Variants in HIVEP3 observed in about 807,000 individuals in gnomAD.
HIVEP3 encodes the protein transcription factor HIVEP3.
In HIVEP3, 49 loss-of-function variants were observed where a neutral mutation model predicts 152.8. The observed-to-expected ratio is 0.32, with a 90% confidence interval of 0.26 to 0.41. The LOEUF is 0.41. HIVEP3 is among the 10% of genes least tolerant of loss of function. The pLI is 1.00. For synonymous variants in HIVEP3, 1,269 were observed against 1,289.0 expected (o/e 0.98, Z 0.33); for missense variants, 2,790 against 3,103.3 (o/e 0.90, Z 2.40).
At chr1:41,833,301 T>C (rs375529917) in intron 1 of HIVEP3, among the ~76,000 whole-genome samples, 4 of 152,192 alleles carry the variant, frequency 2.6e-5, no homozygotes, top group African/African-American at 9.7e-5. Context: ...AGCTCCAGCA[T>C]TGGTAGGAAA....
chr1:41,789,610 A>G (rs1432176241), intron 1 of HIVEP3, among the ~76,000 whole-genome samples: 2 of 152,244 alleles, frequency 1.3e-5, no homozygotes, highest in Admixed American at 6.5e-5. Context: ...AAACAAATCA[A>G]TGTAAACATA....
intron 2 of HIVEP3, among the ~76,000 whole-genome samples, chr1:41,658,528 A>G (rs1645662250): frequency 6.6e-6 from 1 of 152,156 alleles, no homozygotes; most frequent in Admixed American, 6.5e-5. Flanking sequence ...AGCAGTTACC[A>G]AGTGCCTGCT....
At chr1:41,693,623 A>G (rs1438581362) in intron 2 of HIVEP3, among the ~76,000 whole-genome samples, 1 of 151,958 alleles carries the variant, frequency 6.6e-6, no homozygotes, top group Non-Finnish European at 1.5e-5. Flanking sequence ...CTTTAACCTG[A>G]TTGTTGTGGG....
chr1:41,946,364 A>G (rs949982203), intron 1 of HIVEP3, among the ~76,000 whole-genome samples: 1 of 152,138 alleles, frequency 6.6e-6, no homozygotes, highest in African/African-American at 2.4e-5. Context: ...ATGTTTGACC[A>G]TTGAGAGCCA....
intron 1 of HIVEP3, among the ~76,000 whole-genome samples, chr1:41,950,315 C>A (rs1399458899): frequency 6.6e-6 from 1 of 151,684 alleles, no homozygotes; most frequent in Non-Finnish European, 1.5e-5. Context: ...AACTGCAAAA[C>A]AAAACAAAAC....
chr1:42,029,767 A>T (rs1169103331), intron 1 of HIVEP3, among the ~76,000 whole-genome samples: 2 of 152,226 alleles, frequency 1.3e-5, no homozygotes, highest in Non-Finnish European at 2.9e-5. Flanking sequence ...TTATGTGATT[A>T]TTCAAGAACT....
intron 1 of HIVEP3, among the ~76,000 whole-genome samples, chr1:42,013,361 G>A (rs1200611671): frequency 2.0e-5 from 3 of 152,064 alleles, no homozygotes; most frequent in African/African-American, 4.8e-5. Context: ...CTGATTTTTG[G>A]GGAGACACAA....
intron 1 of HIVEP3, among the ~76,000 whole-genome samples, chr1:41,812,531 A>T (rs1254169652): frequency 1.3e-5 from 2 of 152,242 alleles, no homozygotes; most frequent in African/African-American, 4.8e-5. Context: ...AAATGCCTGA[A>T]TTCTAGACAA....
chr1:41,822,090 T>C (rs1457764249), intron 1 of HIVEP3, among the ~76,000 whole-genome samples: 1 of 152,196 alleles, frequency 6.6e-6, no homozygotes, highest in Non-Finnish European at 1.5e-5. Flanking sequence ...TTGTCTCTGC[T>C]CCATGTGTTA....
At chr1:41,919,051 G>A (rs926435431), upstream of HIVEP3, among the ~76,000 whole-genome samples, 1 of 151,958 alleles carries the variant, frequency 6.6e-6, no homozygotes, top group Non-Finnish European at 1.5e-5. Flanking sequence ...ACAGTGATAA[G>A]GATTTCATTT....
chr1:41,835,407 C>A (rs921882986), intron 1 of HIVEP3, among the ~76,000 whole-genome samples: 6 of 152,210 alleles, frequency 3.9e-5, no homozygotes, highest in Non-Finnish European at 8.8e-5. Context: ...AGAAAGTGAG[C>A]TCTCTGGTGT....
chr1:41,545,456 T>TACC (rs1375289694), intron 5 of HIVEP3, among the ~76,000 whole-genome samples: 2 of 45,328 alleles, frequency 4.4e-5, no homozygotes, highest in African/African-American at 1.0e-4. Flanking sequence ...CCACCATTGC[T>TACC]ACCATCACCA....
chr1:41,603,858 T>C (rs1324265214), intron 3 of HIVEP3, among the ~76,000 whole-genome samples: 1 of 152,252 alleles, frequency 6.6e-6, no homozygotes, highest in Non-Finnish European at 1.5e-5. Context: ...TATAGTGTTG[T>C]TCGAGTCATT....
At chr1:41,545,065 CCACCACCAACAT>C (rs1643706534) in intron 5 of HIVEP3, among the ~76,000 whole-genome samples, 1 of 130,866 alleles carries the variant, frequency 7.6e-6, no homozygotes, top group Admixed American at 7.2e-5. Flanking sequence ...ATCACTACCA[CCACCACCAACAT>C]CACCACCTCT....
intron 5 of HIVEP3, among the ~76,000 whole-genome samples, chr1:41,548,519 C>A (rs1347905409): frequency 1.4e-5 from 2 of 146,990 alleles, no homozygotes; most frequent in Non-Finnish European, 1.5e-5. Flanking sequence ...CTAAAATGTA[C>A]CACTTGAACC....
rs768533337 is a variant in HIVEP3, at chr1:41,575,697, A to G, written c.5062-8T>C. On this transcript the variant is annotated splice_region_variant and splice_polypyrimidine_tract_variant and intron_variant, in intron 4 of 8. Transcript: ENST00000372583. ...CAGTGAAGGGAGGTGAACCTGGCCC[A>G]CCGCAGGAATGACAAAATCATTGCT... 16 of 1,612,886 alleles carry G rather than the reference A, an allele frequency of 9.9e-6. No homozygotes were observed. In the South Asian group the frequency reaches 1.6e-4, roughly 17 times the overall value.
At chr1:41,835,055 G>A (rs1643081670) in intron 1 of HIVEP3, among the ~76,000 whole-genome samples, 1 of 152,150 alleles carries the variant, frequency 6.6e-6, no homozygotes, top group Admixed American at 6.6e-5. Flanking sequence ...GAGCACAGTG[G>A]TGAGGCCATC....
intron 3 of HIVEP3, among the ~76,000 whole-genome samples, chr1:41,589,439 C>T (rs368333515): frequency 2.0e-5 from 3 of 152,224 alleles, no homozygotes; most frequent in Non-Finnish European, 2.9e-5. Context: ...CCACAAAAGC[C>T]TCAGGGGAGT....
At chr1:41,899,133 T>C (rs575611822) in intron 1 of HIVEP3, among the ~76,000 whole-genome samples, 2 of 152,346 alleles carry the variant, frequency 1.3e-5, no homozygotes, top group African/African-American at 2.4e-5. Flanking sequence ...AGCAAGCTCC[T>C]TTTTAACAAG....
Sources: gnomAD v4.1 joint callset for allele counts (sites outside exome capture counted in the v4.1 genomes callset) on GRCh38, gnomAD v4.1.1 for gene constraint, MANE v1.5 for transcripts, NCBI Gene and HGNC (gene_info 2026-07-23, HGNC 2026-07-21) for gene names.